TNFSF4: variants seen among roughly 807,000 people sequenced by gnomAD.
The protein encoded by TNFSF4 is TNF superfamily member 4, also known as tumor necrosis factor ligand superfamily member 4.
In TNFSF4, 4 loss-of-function variants were observed where a neutral mutation model predicts 7.3. The observed-to-expected ratio is 0.55, with a 90% CI of 0.27 to 1.25. TNFSF4 has a LOEUF of 1.25. Among genes scored for constraint, TNFSF4 ranks in the 50% most tolerant of loss-of-function variants. The probability of loss-of-function intolerance (pLI) is 0.12; values close to 1 mark genes in which losing one functional copy is unlikely to be tolerated. For synonymous variants in TNFSF4, 76 were observed against 83.7 expected (o/e 0.91, Z 0.50); for missense variants, 181 against 208.8 (o/e 0.87, Z 0.82).
the TNFSF4 span, among the ~76,000 whole-genome samples, chr1:173,254,363 TG>T: frequency 6.6e-6 from 1 of 152,120 alleles, no homozygotes; most frequent in African/African-American, 2.4e-5. Context: ...GGGAAAAAAA[TG>T]GCTGATTATT....
At chr1:173,239,219 C>A in the TNFSF4 span, among the ~76,000 whole-genome samples, 1 of 152,156 alleles carries the variant, frequency 6.6e-6, no homozygotes, top group Non-Finnish European at 1.5e-5. Flanking sequence ...AGAGCAGGAA[C>A]AAAAATCTGC....
the TNFSF4 span, among the ~76,000 whole-genome samples, chr1:173,416,789 G>A: frequency 6.6e-6 from 1 of 151,798 alleles, no homozygotes; most frequent in Admixed American, 6.6e-5. Context: ...TAGAGACAGG[G>A]TTTCGCCATG....
At chr1:173,325,823 T>C in the TNFSF4 span, among the ~76,000 whole-genome samples, 1 of 152,068 alleles carries the variant, frequency 6.6e-6, no homozygotes, top group African/African-American at 2.4e-5. Flanking sequence ...CAGGAAGAAG[T>C]TGAATCTCTG....
the TNFSF4 span, among the ~76,000 whole-genome samples, chr1:173,426,658 CA>C: frequency 9.9e-3 from 1,505 of 152,170 alleles, 28 homozygotes; most frequent in African/African-American, 0.035. Context: ...TGCAGTGACA[CA>C]ACACAGCTCA....
chr1:173,328,576 A>T, the TNFSF4 span, among the ~76,000 whole-genome samples: 1 of 151,876 alleles, frequency 6.6e-6, no homozygotes, highest in Non-Finnish European at 1.5e-5. Context: ...CCAAAAAAAA[A>T]ACCCTAGATG....
At chr1:173,404,304 A>G in the TNFSF4 span, among the ~76,000 whole-genome samples, 1 of 152,166 alleles carries the variant, frequency 6.6e-6, no homozygotes, top group Non-Finnish European at 1.5e-5. Flanking sequence ...ATGATGGCTA[A>G]TCCTGGGACA....
the TNFSF4 span, among the ~76,000 whole-genome samples, chr1:173,243,425 C>T: frequency 2.6e-5 from 4 of 152,132 alleles, no homozygotes; most frequent in African/African-American, 7.2e-5. Context: ...AGTGGATTTG[C>T]GGGTCTCTTC....
the TNFSF4 span, among the ~76,000 whole-genome samples, chr1:173,338,183 C>T: frequency 6.6e-6 from 1 of 152,176 alleles, no homozygotes; most frequent in African/African-American, 2.4e-5. Flanking sequence ...AATCAGACAG[C>T]TACCTGGTGG....
chr1:173,250,409 C>T, the TNFSF4 span, among the ~76,000 whole-genome samples: 1 of 151,752 alleles, frequency 6.6e-6, no homozygotes, highest in Non-Finnish European at 1.5e-5. Context: ...ACAAAGCTAC[C>T]AGCCATACTG....
chr1:173,310,562 A>C, the TNFSF4 span, among the ~76,000 whole-genome samples: 46 of 151,970 alleles, frequency 3.0e-4, no homozygotes, highest in Middle Eastern at 3.4e-3. Context: ...AATATAGTCA[A>C]TTCTTAAAAG....
At chr1:173,408,493 T>TA in the TNFSF4 span, among the ~76,000 whole-genome samples, 2 of 152,000 alleles carry the variant, frequency 1.3e-5, no homozygotes, top group African/African-American at 4.8e-5. Flanking sequence ...TAATTAAATT[T>TA]AAAAAATCAC....
chr1:173,405,672 A>G, the TNFSF4 span, among the ~76,000 whole-genome samples: 1 of 152,212 alleles, frequency 6.6e-6, no homozygotes, highest in Non-Finnish European at 1.5e-5. Flanking sequence ...ATCATGTACA[A>G]CTCATTTAAA....
At chr1:173,231,822 G>C in the TNFSF4 span, among the ~76,000 whole-genome samples, 1 of 152,036 alleles carries the variant, frequency 6.6e-6, no homozygotes, top group African/African-American at 2.4e-5. Flanking sequence ...ACCAATAACA[G>C]ACAATCAGAG....
At chr1:173,421,482 T>G in the TNFSF4 span, among the ~76,000 whole-genome samples, 1 of 152,130 alleles carries the variant, frequency 6.6e-6, no homozygotes, top group Non-Finnish European at 1.5e-5. Context: ...CCCTCCTTGT[T>G]GTCTAGGGAA....
At chr1:173,384,664 G>GA in the TNFSF4 span, among the ~76,000 whole-genome samples, 14 of 151,394 alleles carry the variant, frequency 9.2e-5, no homozygotes, top group South Asian at 6.3e-4. Context: ...CAAATTTAGA[G>GA]AAAAAAAAGC....
the TNFSF4 span, among the ~76,000 whole-genome samples, chr1:173,310,151 TTC>T: frequency 2.0e-5 from 3 of 151,904 alleles, no homozygotes; most frequent in Non-Finnish European, 4.4e-5. Flanking sequence ...TTTCACTAGT[TTC>T]TGTTTCTTTA....
At chr1:173,368,046 C>T in the TNFSF4 span, among the ~76,000 whole-genome samples, 1 of 152,146 alleles carries the variant, frequency 6.6e-6, no homozygotes, top group Non-Finnish European at 1.5e-5. Context: ...CTGTAAAATG[C>T]ACCAATCAGC....
the TNFSF4 span, among the ~76,000 whole-genome samples, chr1:173,370,923 T>C: frequency 9.2e-5 from 14 of 152,138 alleles, no homozygotes; most frequent in African/African-American, 1.9e-4. Flanking sequence ...TTAAAAAAGA[T>C]TGTCCAATGA....
chr1:173,360,716 T>A, the TNFSF4 span, among the ~76,000 whole-genome samples: 1 of 151,990 alleles, frequency 6.6e-6, no homozygotes, highest in Non-Finnish European at 1.5e-5. Flanking sequence ...GGGCCCCTTG[T>A]GGAAAAGAAA....
Sources: allele counts gnomAD v4.1 joint callset (sites outside exome capture counted in the v4.1 genomes callset), GRCh38; gene constraint gnomAD v4.1.1; transcripts MANE v1.5; gene names NCBI Gene and HGNC (gene_info 2026-07-23, HGNC 2026-07-21).